VPS53: variants seen among roughly 807,000 people sequenced by gnomAD.
VPS53 encodes vacuolar protein sorting-associated protein 53 homolog.
In VPS53, 70 loss-of-function variants were observed where a neutral mutation model predicts 107.0. The observed-to-expected ratio is 0.65, with a 90% CI of 0.54 to 0.80. The LOEUF is 0.80. VPS53 is among the 30% of genes least tolerant of loss of function. The pLI is 0.00. For missense variants in VPS53, 917 were observed against 1,049.4 expected (o/e 0.87, Z 1.74); for synonymous variants, 409 against 393.3 (o/e 1.04, Z -0.47).
chr17:672,743 G>C lies in VPS53; in HGVS notation c.286-10848C>G, dbSNP rs540647426. On this transcript the variant is annotated intron_variant, in intron 4 of 21. Coordinates refer to ENST00000437048, the MANE Select transcript of VPS53 (RefSeq NM_001128159.3). ...ACTGAGAGAAAAAGATCACTAGCTAGGGAATGTATCTTTAAAGGGCTTGTA... is the reference window on the plus strand; with the variant it reads ...ACTGAGAGAAAAAGATCACTAGCTACGGAATGTATCTTTAAAGGGCTTGTA... Among the ~76,000 whole-genome samples the C allele has an allele frequency of 1.1e-4, 16 of 152,310 alleles. 1 individual carries two copies. Among genetic ancestry groups the C allele is most frequent in the African/African-American group, 3.8e-4 (16 of 41,582 alleles).
intron 12 of VPS53, among the ~76,000 whole-genome samples, chr17:599,781 AC>A (rs61423832): frequency 0.052 from 6,317 of 121,344 alleles, 346 homozygotes; most frequent in East Asian, 0.41. Flanking sequence ...AAAAACAAAA[AC>A]AAAATGACTT....
chr17:590,216 T>A (rs1967563339), intron 12 of VPS53, among the ~76,000 whole-genome samples: 1 of 152,254 alleles, frequency 6.6e-6, no homozygotes, highest in South Asian at 2.1e-4. Flanking sequence ...GTGATTTTTG[T>A]ACATTGATTT....
chr17:657,509 T>C, intron 5 of VPS53: 1 of 1,488,608 alleles, frequency 6.7e-7, no homozygotes, highest in Non-Finnish European at 9.4e-7. Context: ...GCTTTGGAGC[T>C]GCTACCCGCT....
intron 9 of VPS53, among the ~76,000 whole-genome samples, chr17:627,845 T>C (rs16954071): frequency 3.9e-5 from 6 of 152,054 alleles, no homozygotes; most frequent in Non-Finnish European, 7.3e-5. Context: ...CCTTCAGGGG[T>C]CTATACATTT....
At chr17:560,059 T>C (rs1412473821) in intron 15 of VPS53, among the ~76,000 whole-genome samples, 1 of 152,252 alleles carries the variant, frequency 6.6e-6, no homozygotes, top group Non-Finnish European at 1.5e-5. Context: ...ATGGAATAAC[T>C]GGCTGTGACT....
At chr17:693,058 CAG>C (rs1311586715) in intron 4 of VPS53, among the ~76,000 whole-genome samples, 3 of 152,018 alleles carry the variant, frequency 2.0e-5, no homozygotes, top group African/African-American at 7.3e-5. Context: ...CGCTTGAACC[CAG>C]GAGGCAGAAG....
rs1024251434 is a variant in VPS53, at chr17:516,495, T to G, written c.*2633A>C. 2.0e-5 allele frequency: 3 copies of G among 152,152 alleles called. No homozygotes were observed. Among genetic ancestry groups the G allele is most frequent in the African/African-American group, 7.2e-5 (3 of 41,412 alleles). 9.4% of individuals were successfully genotyped at this position (152,152 alleles called of 1,614,324 possible). ...GATTCTCCTGCCTCAGCCTCCCAAG[T>G]AGCTGGGAGGTGTGCACGCCACCAC... On this transcript the variant is annotated 3_prime_UTR_variant, in exon 22 of 22. Transcript: ENST00000437048.
In VPS53 at chr17:521,758, G is replaced by A; in HGVS notation, c.2086-20C>T. 6 of 1,509,848 alleles carry A rather than the reference G, an allele frequency of 4.0e-6. No homozygotes were observed. Among genetic ancestry groups the A allele is most frequent in the African/African-American group, 1.4e-5 (1 of 72,220 alleles). The allele number at this position is 1,509,848 out of a possible 1,614,324, so 93.5% of individuals were successfully genotyped here. On this transcript the variant is annotated intron_variant, in intron 19 of 21. Transcript: ENST00000437048. Reference sequence around the variant, plus strand: ...CAGCAGCTGTGGAGCAAAGCAGAGAGCATTACCGGCCCCTTCCAGCGACCC... The same window carrying A: ...CAGCAGCTGTGGAGCAAAGCAGAGAACATTACCGGCCCCTTCCAGCGACCC...
intron 12 of VPS53, among the ~76,000 whole-genome samples, chr17:596,214 T>C (rs1967965976): frequency 6.6e-6 from 1 of 152,240 alleles, no homozygotes; most frequent in Non-Finnish European, 1.5e-5. Context: ...TTGCCTATAG[T>C]TTCCTTTTTA....
At chr17:597,460 G>A (rs1375004865) in intron 12 of VPS53, among the ~76,000 whole-genome samples, 3 of 152,182 alleles carry the variant, frequency 2.0e-5, no homozygotes, top group Non-Finnish European at 2.9e-5. Context: ...TGGCGTGGGT[G>A]GAGGCATTAG....
chr17:556,683 C>G (rs976762723), intron 15 of VPS53, among the ~76,000 whole-genome samples: 1 of 152,110 alleles, frequency 6.6e-6, no homozygotes, highest in Non-Finnish European at 1.5e-5. Flanking sequence ...TTCAAGAGAT[C>G]TTTATTAAGC....
At chr17:529,279 A>G (rs939864570) in intron 19 of VPS53, among the ~76,000 whole-genome samples, 25 of 152,302 alleles carry the variant, frequency 1.6e-4, no homozygotes, top group African/African-American at 5.8e-4. Context: ...TACTGCTGCA[A>G]TAAGTCTTGA....
intron 12 of VPS53, among the ~76,000 whole-genome samples, chr17:588,876 G>T (rs773989607): frequency 6.6e-6 from 1 of 152,080 alleles, no homozygotes; most frequent in Admixed American, 6.6e-5. Flanking sequence ...ATTGTGAGGG[G>T]TGTCCTCACC....
intron 13 of VPS53, among the ~76,000 whole-genome samples, chr17:577,406 C>T (rs2151874758): frequency 6.8e-6 from 1 of 147,998 alleles, no homozygotes; most frequent in Admixed American, 6.7e-5. Flanking sequence ...TGCGTTACCA[C>T]AGAGCCTCCC....
At chr17:653,264 T>C in intron 7 of VPS53, 27 bp downstream of exon 7, 1 of 1,610,154 alleles carries the variant, frequency 6.2e-7, no homozygotes, top group Non-Finnish European at 8.5e-7. Flanking sequence ...GGAATCCCCA[T>C]ATACTTTCCC....
chr17:585,066 T>C (rs951114063), intron 13 of VPS53, among the ~76,000 whole-genome samples: 1 of 152,158 alleles, frequency 6.6e-6, no homozygotes, highest in African/African-American at 2.4e-5. Context: ...AAAAGTTTGA[T>C]GAGAGCAGGA....
intron 11 of VPS53, among the ~76,000 whole-genome samples, chr17:614,855 T>A (rs1179869307): frequency 6.6e-6 from 1 of 152,144 alleles, no homozygotes; most frequent in Admixed American, 6.6e-5. Context: ...AAAGGACAAG[T>A]CTGTTTCAAA....
Position 714,730 on chromosome 17 carries a change from C to T in VPS53, c.-21G>A, listed in dbSNP as rs1691913503. On this transcript the variant is annotated 5_prime_UTR_variant, in exon 1 of 22. Transcript: ENST00000437048. ...ATCATTCCGCCACCCGGCCCCCTGCCGACCCCCGCCGCGAGCCCAACTCAG... is the reference window on the plus strand; with the variant it reads ...ATCATTCCGCCACCCGGCCCCCTGCTGACCCCCGCCGCGAGCCCAACTCAG... 6.2e-7 allele frequency: 1 copy of T among 1,611,964 alleles called. No homozygotes were observed. Among genetic ancestry groups the T allele is most frequent in the Non-Finnish European group, 8.5e-7 (1 of 1,179,002 alleles).
Position 623,607 on chromosome 17 carries a change from T to G in VPS53, c.1042A>C (p.Ile348Leu). ...EIEVKLLLFAIQRTTNFEGFL... is the reference protein window; with the variant it reads ...EIEVKLLLFALQRTTNFEGFL... ...CCCTCAAAGTTAGTTGTTCTTTGAA[T>G]AGCAAAAAGAAGCAATTTCACTTCA... is the stretch of plus-strand genomic sequence containing the variant. The change falls in exon 11 of 22, where the codon ATT (isoleucine) becomes CTT (leucine). Residue 348 changes from isoleucine to leucine, a missense_variant. By Grantham distance (5) the Ile-to-Leu change is conservative. Transcript: ENST00000437048. 1.2e-6 allele frequency: 2 copies of G among 1,614,060 alleles called. No individual in the cohort carries two copies. The highest frequency in any genetic ancestry group is 1.7e-6 in the Non-Finnish European group (2 of 1,179,938).
Sources: gnomAD v4.1 joint callset for allele counts (sites outside exome capture counted in the v4.1 genomes callset) on GRCh38, gnomAD v4.1.1 for gene constraint, MANE v1.5 for transcripts, NCBI Gene and HGNC (gene_info 2026-07-23, HGNC 2026-07-21) for gene names.